PRR16: variants seen among roughly 807,000 people sequenced by gnomAD.
PRR16 encodes protein Largen.
In PRR16, 6 loss-of-function variants were observed where a neutral mutation model predicts 18.2. The observed-to-expected ratio is 0.33, with a 90% CI of 0.18 to 0.65. The LOEUF (loss-of-function observed/expected upper bound fraction) is 0.65. Ranked by LOEUF, PRR16 falls within the 30% of genes least tolerant of loss-of-function variation. The pLI is 0.74. For synonymous variants in PRR16, 151 were observed against 147.8 expected (o/e 1.02, Z -0.16); for missense variants, 412 against 376.6 (o/e 1.09, Z -0.78).
At chr5:120,763,208 A>G in the PRR16 span, among the ~76,000 whole-genome samples, 1 of 151,924 alleles carries the variant, frequency 6.6e-6, no homozygotes, top group Non-Finnish European at 1.5e-5. Context: ...GTTCAGTGGC[A>G]TGATATCGGC....
intron 1 of PRR16, among the ~76,000 whole-genome samples, chr5:120,645,495 A>G (rs2150127677): frequency 6.6e-6 from 1 of 152,066 alleles, no homozygotes; most frequent in South Asian, 2.1e-4. Flanking sequence ...ATTAGGGGCA[A>G]AAGTCATATT....
intron 1 of PRR16, among the ~76,000 whole-genome samples, chr5:120,477,141 C>A (rs575415860): frequency 1.3e-5 from 2 of 152,252 alleles, no homozygotes; most frequent in East Asian, 3.9e-4. Context: ...AAAAGGTACT[C>A]TTCTTGGTGT....
chr5:120,728,564 G>T, the PRR16 span, among the ~76,000 whole-genome samples: 1 of 152,062 alleles, frequency 6.6e-6, no homozygotes, highest in Admixed American at 6.6e-5. Flanking sequence ...ATATAAGGGG[G>T]TGATTAGGAA....
chr5:120,791,631 CTAT>C, the PRR16 span, among the ~76,000 whole-genome samples: 309 of 147,992 alleles, frequency 2.1e-3, 1 homozygote, highest in African/African-American at 7.0e-3. Context: ...ATCCATCCAT[CTAT>C]CATCTATCTA....
chr5:120,745,408 A>G, the PRR16 span, among the ~76,000 whole-genome samples: 298 of 151,272 alleles, frequency 2.0e-3, no homozygotes, highest in South Asian at 4.2e-3. Context: ...AGCAGCATCC[A>G]CTCTTTCTCA....
chr5:120,731,644 A>T, the PRR16 span, among the ~76,000 whole-genome samples: 1 of 152,232 alleles, frequency 6.6e-6, no homozygotes, highest in African/African-American at 2.4e-5. Context: ...AGGGGCATTT[A>T]TCTGCTCCTT....
the PRR16 span, among the ~76,000 whole-genome samples, chr5:120,766,546 C>A: frequency 6.6e-6 from 1 of 151,808 alleles, no homozygotes; most frequent in Non-Finnish European, 1.5e-5. Flanking sequence ...TTTTCATTAT[C>A]AAAGTGGTGA....
chr5:120,564,868 C>T (rs1270537912), intron 1 of PRR16, among the ~76,000 whole-genome samples: 2 of 151,924 alleles, frequency 1.3e-5, no homozygotes, highest in Non-Finnish European at 2.9e-5. Flanking sequence ...CGCCTGTAGT[C>T]CCAGCTACTC....
intron 1 of PRR16, among the ~76,000 whole-genome samples, chr5:120,518,631 A>T (rs1239310318): frequency 2.6e-5 from 4 of 151,092 alleles, no homozygotes; most frequent in African/African-American, 9.7e-5. Context: ...GTAGTAATAA[A>T]TTTTTTCCTG....
In PRR16 at chr5:120,616,713, G is replaced by A. The variant is rs538260047; in HGVS notation, c.160-69241G>A. 2.0e-5 allele frequency among the ~76,000 whole-genome samples: 3 copies of A among 152,144 alleles called. No homozygotes were observed. In the East Asian group the frequency reaches 5.8e-4, roughly 29 times the overall value. The stretch of plus-strand genomic sequence containing the variant: ...TATGTCTATATTAATAACTCATTGG[G>A]CTGCAAGACAAAAACAATATTGAAT... On this transcript the variant is annotated intron_variant, in intron 1 of 1. Transcript: ENST00000407149.
chr5:120,727,629 G>T, the PRR16 span, among the ~76,000 whole-genome samples: 4 of 152,116 alleles, frequency 2.6e-5, no homozygotes, highest in Non-Finnish European at 5.9e-5. Context: ...TTACTTTGCA[G>T]ATATGCAATG....
intron 1 of PRR16, among the ~76,000 whole-genome samples, chr5:120,649,416 G>A (rs1755701465): frequency 6.6e-6 from 1 of 152,108 alleles, no homozygotes; most frequent in African/African-American, 2.4e-5. Context: ...AGAGATGAAT[G>A]AAAATAGCAG....
chr5:120,704,595 T>C, the PRR16 span, among the ~76,000 whole-genome samples: 1 of 152,172 alleles, frequency 6.6e-6, no homozygotes. Context: ...TTCCGTTATA[T>C]ACCAATATGA....
chr5:120,497,065 A>T (rs937132018), intron 1 of PRR16, among the ~76,000 whole-genome samples: 1 of 152,206 alleles, frequency 6.6e-6, no homozygotes, highest in Non-Finnish European at 1.5e-5. Flanking sequence ...GTAAGAGAAC[A>T]GACTCTGTTA....
intron 1 of PRR16, among the ~76,000 whole-genome samples, chr5:120,604,996 A>T (rs920726735): frequency 6.6e-6 from 1 of 152,090 alleles, no homozygotes; most frequent in African/African-American, 2.4e-5. Context: ...TTGACCTTGG[A>T]CAATCTGATG....
chr5:120,723,874 A>G, the PRR16 span, among the ~76,000 whole-genome samples: 3 of 151,904 alleles, frequency 2.0e-5, no homozygotes, highest in Admixed American at 2.0e-4. Flanking sequence ...TGAGGCTATT[A>G]ATTTTATTTT....
the PRR16 span, among the ~76,000 whole-genome samples, chr5:120,704,795 T>G: frequency 1.3e-5 from 2 of 152,214 alleles, no homozygotes; most frequent in African/African-American, 4.8e-5. Context: ...ATGGCACATC[T>G]GTTATTATTT....
At chr5:120,572,963 A>G (rs1214698140) in intron 1 of PRR16, among the ~76,000 whole-genome samples, 4 of 152,182 alleles carry the variant, frequency 2.6e-5, no homozygotes, top group African/African-American at 9.7e-5. Context: ...AAAAAGCCCA[A>G]TCAGAGTGAT....
intron 1 of PRR16, among the ~76,000 whole-genome samples, chr5:120,569,108 T>G (rs530893983): frequency 6.6e-5 from 10 of 152,274 alleles, no homozygotes; most frequent in African/African-American, 2.4e-4. Context: ...GAGTTATTTA[T>G]TTTTCTTTTT....
Sources: allele counts gnomAD v4.1 joint callset (sites outside exome capture counted in the v4.1 genomes callset), GRCh38; gene constraint gnomAD v4.1.1; transcripts MANE v1.5; gene names NCBI Gene and HGNC (gene_info 2026-07-23, HGNC 2026-07-21).